Variants in KAT2A observed in about 807,000 individuals in gnomAD.
The protein encoded by KAT2A is histone acetyltransferase KAT2A.
KAT2A carries 42 observed loss-of-function variants against 95.2 expected under a neutral mutation model. The ratio of observed to expected loss-of-function variants is 0.44; its 90% CI spans 0.34 to 0.57. The LOEUF (loss-of-function observed/expected upper bound fraction) is 0.57. Among genes scored for constraint, KAT2A ranks in the 20% least tolerant of loss-of-function variants. The pLI is 0.01. For synonymous variants in KAT2A, 449 were observed against 448.2 expected, an observed-to-expected ratio of 1.00 and a Z score of -0.02; for missense variants, 784 against 1,126.3, an observed-to-expected ratio of 0.70 and a Z score of 4.35.
chr17:42,121,366 G>A lies in KAT2A; in HGVS notation c.-62C>T. ...AGCCCTAGGGCCGCATGGGCAACCA[G>A]CGCTCAGTGCGCAGGCGTTGCTGCG... On this transcript the variant is annotated 5_prime_UTR_variant, in exon 1 of 18. Transcript: ENST00000225916. 2 of 1,345,466 alleles carry A rather than the reference G, an allele frequency of 1.5e-6. No individual in the cohort carries two copies. Among genetic ancestry groups the A allele is most frequent in the Non-Finnish European group, 1.9e-6 (2 of 1,054,874 alleles). The allele number at this position is 1,345,466 out of a possible 1,614,324, so 83.3% of individuals were successfully genotyped here.
chr17:42,113,609 T>C lies in KAT2A; in HGVS notation c.*40A>G, dbSNP rs2054202470. The C allele has an allele frequency of 1.9e-6, 3 of 1,573,818 alleles. No individual in the cohort carries two copies. Among genetic ancestry groups the C allele is most frequent in the East Asian group, 4.6e-5 (2 of 43,846 alleles). On this transcript the variant is annotated 3_prime_UTR_variant, in exon 18 of 18. Transcript: ENST00000225916. ...CTAAGGATCAGATCAGAATCCGAGG[T>C]GGAGACATTCCAGGTCAGGGCTGCG...
Position 42,114,268 on chromosome 17 carries a change from T to C in KAT2A, c.2186A>G (p.Asp729Gly). The change falls in exon 16 of 18, where the codon GAC becomes GGC. Residue 729 changes from aspartate to glycine, a missense_variant. Around this residue, in one of 6 missense-constraint regions of KAT2A, gnomAD observed 195 missense variants for 247.1 expected, o/e 0.79. Coordinates refer to ENST00000225916, the MANE Select transcript of KAT2A (RefSeq NM_021078.3). The surrounding 1 kb of genome is among the most constrained non-coding windows in gnomAD (Gnocchi z 6.0). ...LGKEKGKELKDPDQLYTTLKN... is the reference protein window; with the variant it reads ...LGKEKGKELKGPDQLYTTLKN... ...GAGGGTTGTGTAGAGCTGGTCGGGG[T>C]CCTTCAGCTCCTTCCTGGGGCGAGA... The C allele has an allele frequency of 6.3e-7, 1 of 1,578,758 alleles. No individual in the cohort carries two copies. Among genetic ancestry groups the C allele is most frequent in the Non-Finnish European group, 8.6e-7 (1 of 1,160,206 alleles).
rs2054303050 is a variant in KAT2A at position 42,119,316 on chromosome 17, C to T, written c.1002G>A (p.Leu334=). Residue 334 remains leucine, a synonymous_variant, in exon 6 of 18, where the codon CTG becomes CTA. Coordinates refer to ENST00000225916, the MANE Select transcript of KAT2A (RefSeq NM_021078.3). The surrounding 1 kb of genome is among the most constrained non-coding windows in gnomAD (Gnocchi z 5.3). ...SIFTVTRRQL[L]EKFRVEKDKL... Reference sequence around the variant, plus strand: ...TGTCCTTCTCCACTCGGAACTTTTCCAGCAGCTGCCGGCGGGTAACGGTGA... The same window carrying T: ...TGTCCTTCTCCACTCGGAACTTTTCTAGCAGCTGCCGGCGGGTAACGGTGA... 6.2e-7 allele frequency: 1 copy of T among 1,613,968 alleles called. No individual in the cohort carries two copies. Among genetic ancestry groups the T allele is most frequent in the Non-Finnish European group, 8.5e-7 (1 of 1,179,970 alleles).
intron 11 of KAT2A, 136 bp from the exon 12 acceptor site, chr17:42,115,969 A>G: frequency 1.5e-6 from 1 of 676,642 alleles, no homozygotes; most frequent in South Asian, 1.6e-5. Context: ...AGAGGAAGAA[A>G]GGCAGCTGAC....
chr17:42,120,468 TCCAA>T, intron 2 of KAT2A, 98 bp from the exon 3 acceptor site: 1 of 1,375,380 alleles, frequency 7.3e-7, no homozygotes, highest in Non-Finnish European at 1.0e-6. Flanking sequence ...ACTCTGTTCC[TCCAA>T]CCAGTGTGAC....
chr17:42,119,927 T>A lies in KAT2A; in HGVS notation c.699+103A>T. 8.5e-7 allele frequency: 1 copy of A among 1,170,106 alleles called. No individual in the cohort carries two copies. Among genetic ancestry groups the A allele is most frequent in the Non-Finnish European group, 1.3e-6 (1 of 787,730 alleles). 72.5% of individuals were successfully genotyped at this position (1,170,106 alleles called of 1,614,324 possible). On this transcript the variant is annotated intron_variant, in intron 4 of 17. Coordinates refer to ENST00000225916, the MANE Select transcript of KAT2A (RefSeq NM_021078.3). This position sits in a 1 kb window ranked among gnomAD's most constrained non-coding sequence, Gnocchi z 5.3. ...CAAAACACCCTTCCTTCTCTGAACC[T>A]CCCCAGTGTTCTCAGCTTGAGGAGA...
In KAT2A at chr17:42,119,571, C is replaced by T. The variant is rs1450604913; in HGVS notation, c.847G>A (p.Glu283Lys). The T allele has an allele frequency of 6.2e-7, 1 of 1,606,002 alleles. No homozygotes were observed. Among genetic ancestry groups the T allele is most frequent in the African/African-American group, 1.3e-5 (1 of 74,648 alleles). Residue 283 changes from glutamate to lysine, a missense_variant, in exon 5 of 18, where the codon GAG becomes AAG. Glu to Lys is a moderately conservative substitution (Grantham distance 56). Around this residue, in one of 6 missense-constraint regions of KAT2A, gnomAD observed 208 missense variants for 339.7 expected, o/e 0.61. Coordinates refer to ENST00000225916, the MANE Select transcript of KAT2A (RefSeq NM_021078.3). This position sits in a 1 kb window ranked among gnomAD's most constrained non-coding sequence, Gnocchi z 5.3. ...PAQFRQRSQA[E>K]DVATYKVNYT... is the part of the protein sequence containing the mutation. The stretch of plus-strand genomic sequence containing the variant: ...TTGACCTTGTAGGTAGCCACGTCCT[C>T]AGCCTGAGACCTCTGCCGAAACTGG...
Position 42,114,388 on chromosome 17 carries a change from G to T in KAT2A, c.2141C>A (p.Thr714Lys), listed in dbSNP as rs782463604. 6.2e-7 allele frequency: 1 copy of T among 1,613,952 alleles called. No homozygotes were observed. The highest frequency in any genetic ancestry group is 8.5e-7 in the Non-Finnish European group (1 of 1,179,946). ...CTCCTTCCCCAATGGCTTCCAGCCT[G>T]TCTCTCCTGCAAAGTGGGAAGTGGG... ...PVESVPGIRE[T>K]GWKPLGKEKG... is the part of the protein sequence containing the mutation. The change falls in exon 15 of 18, where the codon ACA becomes AAA. Residue 714 changes from threonine (T) to lysine (K), a missense_variant. By Grantham distance (78) the Thr-to-Lys change is moderately conservative. Transcript: ENST00000225916. This position sits in a 1 kb window ranked among gnomAD's most constrained non-coding sequence, Gnocchi z 6.0.
intron 7 of KAT2A, 104 bp from the exon 8 acceptor site, chr17:42,118,121 G>C: frequency 1.2e-6 from 1 of 817,220 alleles, no homozygotes; most frequent in Non-Finnish European, 2.0e-6. Flanking sequence ...AGTCAGGGAC[G>C]GGGGTGCTGA....
chr17:42,117,771 G>A lies in KAT2A; in HGVS notation c.1335C>T (p.Ala445=). Residue 445 remains alanine, a synonymous_variant, in exon 9 of 18, where the codon GCC becomes GCT. Transcript: ENST00000225916. The surrounding 1 kb of genome is among the most constrained non-coding windows in gnomAD (Gnocchi z 8.9). ...TGTCACCCATCACACGGAGCCGCTT[G>A]GCATCCTCCAGGGTCAGGTTCTCTG... ...TLPENLTLED[A]KRLRVMGDIP... is the part of the protein sequence containing the mutation. 6.2e-7 allele frequency: 1 copy of A among 1,614,034 alleles called. No homozygotes were observed. The highest frequency in any genetic ancestry group is 8.5e-7 in the Non-Finnish European group (1 of 1,179,912).
Position 42,121,311 on chromosome 17 carries a change from C to T in KAT2A, c.-7G>A, listed in dbSNP as rs1481537503. On this transcript the variant is annotated 5_prime_UTR_variant, in exon 1 of 18. Coordinates refer to ENST00000225916, the MANE Select transcript of KAT2A (RefSeq NM_021078.3). ...CCTGGGAAGGTTCCGCCATGGCCTC[C>T]CCCGCAGCGGAGAGCGGCGCCGCGC... 1 of 1,367,304 alleles carries T rather than the reference C, an allele frequency of 7.3e-7. No homozygotes were observed. Among genetic ancestry groups the T allele is most frequent in the Non-Finnish European group, 9.4e-7 (1 of 1,067,964 alleles). The allele number at this position is 1,367,304 out of a possible 1,614,324, so 84.7% of individuals were successfully genotyped here.
chr17:42,119,969 C>A lies in KAT2A; in HGVS notation c.699+61G>T, dbSNP rs554117207. 992 of 1,402,492 alleles carry A rather than the reference C, an allele frequency of 7.1e-4. 18 individuals carry two copies. In the South Asian group the frequency reaches 0.011, roughly 15 times the overall value. 86.9% of individuals were successfully genotyped at this position (1,402,492 alleles called of 1,614,324 possible). A position where few individuals can be genotyped will look rare whatever the true frequency, so the allele number is the denominator to read the frequency against. ...TTGAGGAGAATGGAGAACACAGGCT[C>A]CCCACTCCTCCAAGCTGTCCCCAAT... On this transcript the variant is annotated intron_variant, in intron 4 of 17. Coordinates refer to ENST00000225916, the MANE Select transcript of KAT2A (RefSeq NM_021078.3). This position sits in a 1 kb window ranked among gnomAD's most constrained non-coding sequence, Gnocchi z 5.3.
At chr17:42,116,491 G>A (rs1322344913) in intron 11 of KAT2A, among the ~76,000 whole-genome samples, 3 of 152,248 alleles carry the variant, frequency 2.0e-5, no homozygotes, top group Non-Finnish European at 4.4e-5. Flanking sequence ...GCCGAGGTGG[G>A]TGAATCACTT....
chr17:42,117,448 A>G lies in KAT2A; in HGVS notation c.1577T>C (p.Val526Ala). The change falls in exon 10 of 18, where the codon GTC (valine) becomes GCC (alanine). Residue 526 changes from valine to alanine, a missense_variant. By Grantham distance (64) the Val-to-Ala change is moderately conservative. Transcript: ENST00000225916. The surrounding 1 kb of genome is among the most constrained non-coding windows in gnomAD (Gnocchi z 8.9). ...CATGCGCGGCAGCTGGTGGGAAAAG[A>G]CATTCTGCAGCCCCACGAGCCACAG... ...VLLWLVGLQN[V>A]FSHQLPRMPK... 1 of 1,613,316 alleles carries G rather than the reference A, an allele frequency of 6.2e-7. No individual in the cohort carries two copies. Among genetic ancestry groups the G allele is most frequent in the South Asian group, 1.1e-5 (1 of 91,080 alleles).
At position 42,114,533 on chromosome 17, in the gene KAT2A, C is replaced by G; in HGVS notation, c.2091G>C (p.Lys697Asn). ...CCACAGGGATCTGCCTCACGCCCTC[C>G]TTGAAGCAGCTGAGCCCCGGGTAGA... ...RKVYPGLSCFKEGVRQIPVES... is the reference protein window; with the variant it reads ...RKVYPGLSCFNEGVRQIPVES... Residue 697 changes from lysine (K) to asparagine (N), a missense_variant, in exon 14 of 18, where the codon AAG becomes AAC. Physicochemically the swap from Lys to Asn is moderately conservative, Grantham distance 94. Coordinates refer to ENST00000225916, the MANE Select transcript of KAT2A (RefSeq NM_021078.3). This position sits in a 1 kb window ranked among gnomAD's most constrained non-coding sequence, Gnocchi z 6.0. The G allele has an allele frequency of 6.2e-7, 1 of 1,614,130 alleles. No homozygotes were observed. The highest frequency in any genetic ancestry group is 8.5e-7 in the Non-Finnish European group (1 of 1,179,992).
chr17:42,115,552 TC>T, intron 12 of KAT2A, 170 bp downstream of exon 12: 1 of 606,942 alleles, frequency 1.6e-6, no homozygotes. Context: ...GCCCTCATTC[TC>T]CCCTGGGGCA....
At chr17:42,118,125 G>A in intron 7 of KAT2A, 108 bp from the exon 8 acceptor site, 1 of 791,530 alleles carries the variant, frequency 1.3e-6, no homozygotes, top group Non-Finnish European at 2.0e-6. Flanking sequence ...AGGGACGGGG[G>A]TGCTGAAGCT....
Position 42,119,444 on chromosome 17 carries a change from A to G in KAT2A, c.882-8T>C, listed in dbSNP as rs781992943. 3.1e-6 allele frequency: 5 copies of G among 1,601,540 alleles called. No homozygotes were observed. In the East Asian group the frequency reaches 1.1e-4, roughly 36 times the overall value. Reference sequence around the variant, plus strand: ...TGGCAGTAACAGAGCCATCTGGAGTAGGGGGTCGAGGGGGAGACAGGTGAG... The same window carrying G: ...TGGCAGTAACAGAGCCATCTGGAGTGGGGGGTCGAGGGGGAGACAGGTGAG... On this transcript the variant is annotated splice_region_variant and splice_polypyrimidine_tract_variant and intron_variant, in intron 5 of 17. Transcript: ENST00000225916. The surrounding 1 kb of genome is among the most constrained non-coding windows in gnomAD (Gnocchi z 5.3).
At chr17:42,115,890 AG>A (rs2054251238) in intron 11 of KAT2A, 57 bp from the exon 12 acceptor site, 14 of 962,382 alleles carry the variant, frequency 1.5e-5, no homozygotes, top group Middle Eastern at 2.1e-4. Flanking sequence ...GGTGCTGGAG[AG>A]GTCTCAGAGA....
Sources: allele counts gnomAD v4.1 joint callset (sites outside exome capture counted in the v4.1 genomes callset), GRCh38; gene constraint gnomAD v4.1.1; regional missense constraint gnomAD v4.1.1; non-coding constraint Gnocchi (gnomAD v3.1); transcripts MANE v1.5; gene names NCBI Gene and HGNC (gene_info 2026-07-23, HGNC 2026-07-21).